The following TGIF1 variants were observed in gnomAD, a reference collection of about 807,000 sequenced individuals.
TGIF1 encodes the protein TGFB induced factor homeobox 1.
In TGIF1, 4 loss-of-function variants were observed where a neutral mutation model predicts 19.3. The ratio of observed to expected loss-of-function variants is 0.21; its 90% CI spans 0.10 to 0.47. The LOEUF is 0.47. TGIF1 is among the 20% of genes least tolerant of loss of function. The probability of loss-of-function intolerance (pLI) is 0.98; values close to 1 mark genes in which losing one functional copy is unlikely to be tolerated. For synonymous variants in TGIF1, 122 were observed against 129.3 expected (o/e 0.94, Z 0.38); for missense variants, 275 against 341.4 (o/e 0.81, Z 1.53).
chr18:3,414,196 A>G (rs1414077689), intron 1 of TGIF1, among the ~76,000 whole-genome samples: 2 of 152,250 alleles, frequency 1.3e-5, no homozygotes, highest in Admixed American at 1.3e-4. Context: ...ATTATATTAC[A>G]ATGTTAAGTA....
chr18:3,433,073 CTT>C (rs925733282), intron 2 of TGIF1, among the ~76,000 whole-genome samples: 15 of 139,074 alleles, frequency 1.1e-4, no homozygotes, highest in African/African-American at 3.8e-4. Flanking sequence ...TCTTCTTCTT[CTT>C]TTTTTTTTTT....
At chr18:3,439,265 A>G (rs1440802292) in intron 2 of TGIF1, among the ~76,000 whole-genome samples, 2 of 152,142 alleles carry the variant, frequency 1.3e-5, no homozygotes, top group Non-Finnish European at 2.9e-5. Flanking sequence ...AAAATTTTCC[A>G]TAATCAAAAG....
At chr18:3,440,101 C>T (rs1017020187) in intron 2 of TGIF1, among the ~76,000 whole-genome samples, 3 of 151,786 alleles carry the variant, frequency 2.0e-5, no homozygotes, top group Non-Finnish European at 2.9e-5. Flanking sequence ...TCTGTAACCC[C>T]GCACTTTGGG....
At chr18:3,413,205 A>C (rs1232462976) in intron 1 of TGIF1, among the ~76,000 whole-genome samples, 1 of 152,250 alleles carries the variant, frequency 6.6e-6, no homozygotes, top group Non-Finnish European at 1.5e-5. Flanking sequence ...TAGAGTAAAA[A>C]AGAATGAGGA....
chr18:3,422,170 G>T (rs1441002130), intron 2 of TGIF1, among the ~76,000 whole-genome samples: 1 of 144,540 alleles, frequency 6.9e-6, no homozygotes, highest in East Asian at 2.0e-4. Context: ...CTCCAGCCTG[G>T]GCGACAGAGT....
At chr18:3,431,314 G>A (rs1308174128) in intron 2 of TGIF1, among the ~76,000 whole-genome samples, 1 of 152,124 alleles carries the variant, frequency 6.6e-6, no homozygotes, top group Non-Finnish European at 1.5e-5. Context: ...GGGTGTAGTG[G>A]TGGGTGCCGG....
Position 3,450,357 on chromosome 18 carries a change from A to T in TGIF1, c.-133A>T. ...CTGGGATCAGAGCGTCCTGTTTAGCAATAACGGCTGGAGCACGTCCTACAA... is the reference window on the plus strand; with the variant it reads ...CTGGGATCAGAGCGTCCTGTTTAGCTATAACGGCTGGAGCACGTCCTACAA... On this transcript the variant is annotated 5_prime_UTR_variant, in exon 1 of 3. Transcript: ENST00000343820. The T allele has an allele frequency of 6.6e-7, 1 of 1,513,424 alleles. No individual in the cohort carries two copies. Among genetic ancestry groups the T allele is most frequent in the South Asian group, 1.3e-5 (1 of 79,078 alleles). The allele number at this position is 1,513,424 out of a possible 1,614,324, so 93.7% of individuals were successfully genotyped here.
Position 3,425,026 on chromosome 18 carries a change from A to G in TGIF1, c.-45+6811A>G, listed in dbSNP as rs144571405. On this transcript the variant is annotated intron_variant, in intron 2 of 3. Coordinates refer to the TGIF1 transcript ENST00000401449. ...CTGTGGAAGGGCCATGGGAACCCTG[A>G]TGTATAGCCAGTTGGTCAGAAGTAT... Among the ~76,000 whole-genome samples, 604 of 152,328 alleles carry G rather than the reference A, an allele frequency of 4.0e-3. 6 individuals carry two copies. The highest frequency in any genetic ancestry group is 0.011 in the African/African-American group (468 of 41,580).
intron 1 of TGIF1, among the ~76,000 whole-genome samples, chr18:3,415,901 C>T (rs1212198053): frequency 1.3e-5 from 2 of 152,156 alleles, no homozygotes; most frequent in African/African-American, 2.4e-5. Flanking sequence ...TATACTTGAA[C>T]GTGGAGTCTC....
intron 2 of TGIF1, among the ~76,000 whole-genome samples, chr18:3,438,330 G>A (rs1201954361): frequency 1.3e-5 from 2 of 152,006 alleles, no homozygotes; most frequent in Non-Finnish European, 2.9e-5. Flanking sequence ...TGCAGTGAAG[G>A]GTCATGTGTG....
At chr18:3,416,994 TA>T (rs2082341106) in intron 1 of TGIF1, among the ~76,000 whole-genome samples, 1 of 152,108 alleles carries the variant, frequency 6.6e-6, no homozygotes, top group Non-Finnish European at 1.5e-5. Flanking sequence ...ATACTCTTTT[TA>T]AAAAAAGAAA....
intron 1 of TGIF1, chr18:3,452,237 G>A: frequency 6.2e-7 from 1 of 1,608,742 alleles, no homozygotes; most frequent in Non-Finnish European, 8.5e-7. Context: ...CTCCACCGGC[G>A]CGCTGCCCAC....
chr18:3,453,139 T>C (rs780166180), intron 1 of TGIF1, among the ~76,000 whole-genome samples: 3 of 152,098 alleles, frequency 2.0e-5, no homozygotes, highest in Non-Finnish European at 4.4e-5. Context: ...GGTCTGGCTA[T>C]GTTGCCCAGG....
chr18:3,452,125 C>G (rs569823526), intron 1 of TGIF1: 2 of 1,613,668 alleles, frequency 1.2e-6, no homozygotes, highest in South Asian at 2.2e-5. Context: ...TTTCTGGCGT[C>G]CCCCCGACTC....
chr18:3,438,396 T>C (rs1055111852), intron 2 of TGIF1, among the ~76,000 whole-genome samples: 13 of 152,094 alleles, frequency 8.5e-5, no homozygotes, highest in African/African-American at 3.1e-4. Context: ...AGGACAAGCA[T>C]GCAGATAAGT....
At chr18:3,423,508 T>C (rs997840531) in intron 2 of TGIF1, among the ~76,000 whole-genome samples, 2 of 151,730 alleles carry the variant, frequency 1.3e-5, no homozygotes, top group Non-Finnish European at 2.9e-5. Context: ...CGAAACCCCG[T>C]CTCTACTAAA....
chr18:3,448,891 A>G (rs2082810280), upstream of TGIF1, among the ~76,000 whole-genome samples: 1 of 152,084 alleles, frequency 6.6e-6, no homozygotes, highest in Admixed American at 6.6e-5. Flanking sequence ...GAACAAAAAC[A>G]GCACAGAGCC....
chr18:3,448,301 G>A (rs1598888351), upstream of TGIF1: 1 of 985,408 alleles, frequency 1.0e-6, no homozygotes, highest in East Asian at 1.1e-4. Flanking sequence ...GCTCCCCAGC[G>A]GATAGGAGCC....
At chr18:3,419,770 C>G (rs2143126728) in intron 2 of TGIF1, among the ~76,000 whole-genome samples, 1 of 152,306 alleles carries the variant, frequency 6.6e-6, no homozygotes, top group Non-Finnish European at 1.5e-5. Flanking sequence ...CTGTGGGAGG[C>G]CAAGGCGAGT....
Sources: gnomAD v4.1 joint callset for allele counts (sites outside exome capture counted in the v4.1 genomes callset) on GRCh38, gnomAD v4.1.1 for gene constraint, MANE v1.5 for transcripts, NCBI Gene and HGNC (gene_info 2026-07-23, HGNC 2026-07-21) for gene names.